TRDN: variants seen among roughly 807,000 people sequenced by gnomAD.
TRDN encodes the protein triadin.
A neutral mutation model predicts 149.7 loss-of-function variants in TRDN; 161 were observed. The ratio of observed to expected loss-of-function variants is 1.08; its 90% CI spans 0.95 to 1.23. The LOEUF (loss-of-function observed/expected upper bound fraction) is 1.23, where lower values mean the gene tolerates loss of function less well. Ranked by LOEUF, TRDN falls within the 50% of genes most tolerant of loss-of-function variation. TRDN has a pLI of 0.00. For synonymous variants in TRDN, 294 were observed against 250.5 expected, an observed-to-expected ratio of 1.17 and a Z score of -1.64; for missense variants, 896 against 823.5, an observed-to-expected ratio of 1.09 and a Z score of -1.08.
chr6:123,427,133 A>G lies in TRDN; in HGVS notation c.1051+10930T>C, dbSNP rs192132360. ...TTTTTAGTGCCCTTGGTTTATGCAG[A>G]TATCAATAAAACATTCTATGATAAG... On this transcript the variant is annotated intron_variant, in intron 12 of 40. Transcript: ENST00000334268. Among the ~76,000 whole-genome samples the G allele has an allele frequency of 3.2e-3, 494 of 152,116 alleles. 2 individuals carry two copies. The highest frequency in any genetic ancestry group is 5.0e-3 in the Non-Finnish European group (337 of 67,944).
chr6:123,562,211 A>G (rs966494439), intron 2 of TRDN, among the ~76,000 whole-genome samples: 7 of 151,936 alleles, frequency 4.6e-5, no homozygotes, highest in Admixed American at 1.3e-4. Flanking sequence ...ACCTACCCGA[A>G]TCTTATAAAA....
chr6:123,529,845 T>C (rs975700329), intron 5 of TRDN, among the ~76,000 whole-genome samples: 1 of 152,026 alleles, frequency 6.6e-6, no homozygotes, highest in Admixed American at 6.6e-5. Context: ...TTTGAATGTC[T>C]TGCTTCCTAT....
intron 12 of TRDN, among the ~76,000 whole-genome samples, chr6:123,402,860 A>G (rs936288888): frequency 3.3e-5 from 5 of 152,224 alleles, no homozygotes; most frequent in Non-Finnish European, 7.3e-5. Flanking sequence ...AGAAGGAAAG[A>G]AGGCTGTTTG....
chr6:123,524,207 G>A (rs184352437), intron 5 of TRDN, among the ~76,000 whole-genome samples: 10 of 152,234 alleles, frequency 6.6e-5, no homozygotes, highest in African/African-American at 2.2e-4. Context: ...TCAGTCATTA[G>A]GACAAAGAAT....
At chr6:123,490,407 G>C (rs915965530) in intron 9 of TRDN, among the ~76,000 whole-genome samples, 40 of 152,158 alleles carry the variant, frequency 2.6e-4, no homozygotes, top group Admixed American at 2.6e-3. Flanking sequence ...AATAGAGCGT[G>C]ATAACATGAC....
intron 12 of TRDN, among the ~76,000 whole-genome samples, chr6:123,432,329 T>G (rs1774368808): frequency 6.6e-6 from 1 of 152,100 alleles, no homozygotes; most frequent in Non-Finnish European, 1.5e-5. Context: ...ATATTGTATA[T>G]CTTACAAATG....
intron 24 of TRDN, among the ~76,000 whole-genome samples, chr6:123,301,454 G>A (rs1582840731): frequency 6.6e-6 from 1 of 151,724 alleles, no homozygotes; most frequent in African/African-American, 2.4e-5. Context: ...TGATCTTTGT[G>A]AGTCCACTTC....
chr6:123,474,896 T>C (rs994694795), intron 9 of TRDN, among the ~76,000 whole-genome samples: 2 of 151,918 alleles, frequency 1.3e-5, no homozygotes, highest in African/African-American at 4.8e-5. Context: ...AGACACAACA[T>C]ACCAGAATCT....
At position 123,490,672 on chromosome 6, in the gene TRDN, T is replaced by C. The variant is rs1221900933; in HGVS notation, c.853+6521A>G. On this transcript the variant is annotated intron_variant, in intron 9 of 40. Transcript: ENST00000334268. ...AGCATGTCACAGTACTCTTTCTTTA[T>C]AAAATTCATGTGCCAAAATCTGTGG... Among the ~76,000 whole-genome samples, 8 of 152,344 alleles carry C rather than the reference T, an allele frequency of 5.3e-5. No individual in the cohort carries two copies. The South Asian group carries it at 8.3e-4, about 16-fold the overall frequency.
At chr6:123,570,551 TGG>T (rs1461233478) in intron 2 of TRDN, among the ~76,000 whole-genome samples, 1 of 152,202 alleles carries the variant, frequency 6.6e-6, no homozygotes, top group Non-Finnish European at 1.5e-5. Context: ...TTGATTGGTT[TGG>T]TTTTATATTG....
At chr6:123,317,943 G>T (rs1246789009) in intron 23 of TRDN, among the ~76,000 whole-genome samples, 1 of 151,862 alleles carries the variant, frequency 6.6e-6, no homozygotes, top group Non-Finnish European at 1.5e-5. Context: ...CATAGCTGTT[G>T]CATTTATATT....
chr6:123,326,497 G>A (rs777798600), intron 23 of TRDN, among the ~76,000 whole-genome samples: 15 of 151,286 alleles, frequency 9.9e-5, no homozygotes, highest in Non-Finnish European at 2.1e-4. Flanking sequence ...ATATTATCAG[G>A]TCCATGACAT....
At chr6:123,479,751 A>G (rs1777661541) in intron 9 of TRDN, among the ~76,000 whole-genome samples, 1 of 152,206 alleles carries the variant, frequency 6.6e-6, no homozygotes, top group Non-Finnish European at 1.5e-5. Flanking sequence ...ACAATTTTAG[A>G]AAAGTGCAAA....
At chr6:123,280,551 T>C (rs1330195630) in intron 24 of TRDN, among the ~76,000 whole-genome samples, 1 of 152,092 alleles carries the variant, frequency 6.6e-6, no homozygotes, top group East Asian at 1.9e-4. Flanking sequence ...TGAATCTTCC[T>C]ATCTACATAT....
At chr6:123,239,296 A>G (rs777680513) in intron 38 of TRDN, among the ~76,000 whole-genome samples, 10 of 152,196 alleles carry the variant, frequency 6.6e-5, no homozygotes, top group Non-Finnish European at 7.4e-5. Flanking sequence ...GGATAAACTG[A>G]TAATTTCTCA....
chr6:123,270,092 A>G (rs1052212112), intron 30 of TRDN, among the ~76,000 whole-genome samples: 8 of 152,048 alleles, frequency 5.3e-5, no homozygotes, highest in Admixed American at 1.3e-4. Context: ...AAAACAATCT[A>G]TATATTTGAG....
At chr6:123,252,279 A>C in intron 38 of TRDN, 133 bp downstream of exon 38, 1 of 440,968 alleles carries the variant, frequency 2.3e-6, no homozygotes, top group Admixed American at 4.4e-5. Flanking sequence ...AAAGCTAATA[A>C]ATTCCTGTCA....
intron 16 of TRDN, 110 bp from the exon 17 acceptor site, chr6:123,378,008 G>T (rs1317033920): frequency 3.0e-6 from 2 of 668,998 alleles, no homozygotes; most frequent in Non-Finnish European, 4.8e-6. Flanking sequence ...ATGCCAGATT[G>T]CAGCAACTAA....
chr6:123,557,643 G>C (rs541491583), intron 2 of TRDN, among the ~76,000 whole-genome samples: 1 of 152,208 alleles, frequency 6.6e-6, no homozygotes, highest in South Asian at 2.1e-4. Flanking sequence ...GGGGACAACT[G>C]CCTGATTATT....
Sources: gnomAD v4.1 joint callset for allele counts (sites outside exome capture counted in the v4.1 genomes callset) on GRCh38, gnomAD v4.1.1 for gene constraint, MANE v1.5 for transcripts, NCBI Gene and HGNC (gene_info 2026-07-23, HGNC 2026-07-21) for gene names.